Variants in KIF27 observed in about 807,000 individuals in gnomAD.
The protein encoded by KIF27 is kinesin family member 27, also known as kinesin-like protein KIF27.
KIF27 carries 84 observed loss-of-function variants against 141.8 expected under a neutral mutation model. The ratio of observed to expected loss-of-function variants is 0.59; its 90% CI spans 0.50 to 0.71. The LOEUF (loss-of-function observed/expected upper bound fraction) is 0.71. Ranked by LOEUF, KIF27 falls within the 30% of genes least tolerant of loss-of-function variation. KIF27 has a pLI of 0.00. For missense variants in KIF27, 1,306 were observed against 1,628.4 expected, an observed-to-expected ratio of 0.80 and a Z score of 3.41; for synonymous variants, 471 against 569.5, an observed-to-expected ratio of 0.83 and a Z score of 2.46.
At chr9:83,918,325 G>GT (rs887354121) in intron 1 of KIF27, among the ~76,000 whole-genome samples, 5 of 143,664 alleles carry the variant, frequency 3.5e-5, no homozygotes, top group East Asian at 2.3e-4. Flanking sequence ...GAGAGAAATG[G>GT]GGGGGGGGCA....
intron 15 of KIF27, among the ~76,000 whole-genome samples, chr9:83,851,636 GT>G (rs2131705357): frequency 6.6e-6 from 1 of 152,308 alleles, no homozygotes; most frequent in South Asian, 2.1e-4. Flanking sequence ...GATTATAGGC[GT>G]GAGCCACCAC....
At chr9:83,851,417 T>C (rs868428495) in intron 15 of KIF27, among the ~76,000 whole-genome samples, 21 of 152,056 alleles carry the variant, frequency 1.4e-4, no homozygotes, top group African/African-American at 4.6e-4. Context: ...AGTGGTGCAA[T>C]CATAGTTCAC....
chr9:83,913,920 T>C (rs1043181375), intron 2 of KIF27, among the ~76,000 whole-genome samples: 1 of 152,120 alleles, frequency 6.6e-6, no homozygotes, highest in African/African-American at 2.4e-5. Context: ...CAATCCTTCT[T>C]ATAATAAATA....
chr9:83,848,978 A>G (rs1212243825), intron 16 of KIF27: 9 of 151,926 alleles, frequency 5.9e-5, no homozygotes, highest in African/African-American at 2.2e-4. Context: ...ACGCTTGGCT[A>G]GTTTTCTGTA....
intron 13 of KIF27, among the ~76,000 whole-genome samples, chr9:83,864,140 A>AT (rs1332772480): frequency 6.6e-6 from 1 of 151,998 alleles, no homozygotes; most frequent in Non-Finnish European, 1.5e-5. Context: ...TGATTCACTG[A>AT]TTTTTTGAAG....
At chr9:83,841,725 TATTTC>T (rs1176504564) in intron 17 of KIF27, among the ~76,000 whole-genome samples, 1 of 152,220 alleles carries the variant, frequency 6.6e-6, no homozygotes, top group African/African-American at 2.4e-5. Context: ...TTTGTCATGT[TATTTC>T]ATTTAGGAAT....
intron 16 of KIF27, among the ~76,000 whole-genome samples, chr9:83,846,350 CCA>C (rs1345838492): frequency 1.3e-5 from 2 of 152,188 alleles, no homozygotes. Flanking sequence ...AGTGCCTTAT[CCA>C]CTGTCATGGT....
At chr9:83,842,194 G>A in intron 17 of KIF27, 43 bp downstream of exon 17, 1 of 1,470,938 alleles carries the variant, frequency 6.8e-7, no homozygotes, top group African/African-American at 1.5e-5. Context: ...TTCACCAAAT[G>A]CTAGAGAAAC....
In KIF27 at chr9:83,859,245, C is replaced by G. The variant is rs776548762; in HGVS notation, c.3061G>C (p.Glu1021Gln). The change falls in exon 14 of 18, where the codon GAA becomes CAA. Residue 1021 changes from glutamate to glutamine, a missense_variant. Glu to Gln is a conservative substitution (Grantham distance 29). Around this residue, in one of 4 missense-constraint regions of KIF27, gnomAD observed 596 missense variants for 751.6 expected, o/e 0.79. Transcript: ENST00000297814. ...TGATCCTTTTCTTTCTGGAGGACTT[C>G]AACTTGTTCTGAAATCTTTGTTTTC... is the stretch of plus-strand genomic sequence containing the variant. ...EEKTKISEQV[E>Q]VLQKEKDQLQ... The G allele has an allele frequency of 1.9e-6, 3 of 1,613,984 alleles. No homozygotes were observed. The East Asian group carries it at 6.7e-5, about 36-fold the overall frequency.
chr9:83,918,048 A>G (rs763304140), intron 1 of KIF27, among the ~76,000 whole-genome samples: 8 of 152,208 alleles, frequency 5.3e-5, no homozygotes, highest in Non-Finnish European at 1.0e-4. Flanking sequence ...AAGATGAAGT[A>G]TAGATTAAAA....
intron 12 of KIF27, among the ~76,000 whole-genome samples, chr9:83,870,079 G>C (rs1950644246): frequency 6.6e-6 from 1 of 152,078 alleles, no homozygotes; most frequent in African/African-American, 2.4e-5. Flanking sequence ...TTTTGCATTT[G>C]GGCGGCATCT....
Position 83,903,357 on chromosome 9 carries a change from C to G in KIF27, c.1161G>C (p.Gly387=), listed in dbSNP as rs748622441. ...AATGAATCCTATTTGTATCAGGACT[C>G]CCTTCTCGATTGATCTGGGTAGTTT... is the stretch of plus-strand genomic sequence containing the variant. The part of the protein sequence containing the change: ...VSQTTQINRE[G]SPDTNRIHSL... The change falls in exon 4 of 18, where the codon GGG becomes GGC. Residue 387 remains glycine (G), a synonymous_variant. Coordinates refer to ENST00000297814, the MANE Select transcript of KIF27 (RefSeq NM_017576.4). 1 of 1,614,018 alleles carries G rather than the reference C, an allele frequency of 6.2e-7. No individual in the cohort carries two copies. Among genetic ancestry groups the G allele is most frequent in the Admixed American group, 1.7e-5 (1 of 60,004 alleles).
Position 83,915,609 on chromosome 9 carries a change from T to C in KIF27, c.-18A>G, listed in dbSNP as rs1266953677. 6.4e-7 allele frequency: 1 copy of C among 1,564,940 alleles called. No homozygotes were observed. The highest frequency in any genetic ancestry group is 2.2e-5 in the East Asian group (1 of 44,556). On this transcript the variant is annotated 5_prime_UTR_variant, in exon 2 of 18. Coordinates refer to ENST00000297814, the MANE Select transcript of KIF27 (RefSeq NM_017576.4). ...TCTTCCATGGCAACTTAGATTTTAC[T>C]AAATAGATTTTCTATTTAATGTTCA...
chr9:83,858,216 G>A (rs931108778), intron 14 of KIF27: 3 of 151,978 alleles, frequency 2.0e-5, no homozygotes, highest in Non-Finnish European at 4.4e-5. Context: ...CTGCCACTTA[G>A]CCCCCAATCA....
intron 14 of KIF27, among the ~76,000 whole-genome samples, chr9:83,858,023 G>A (rs986985217): frequency 2.1e-5 from 3 of 141,202 alleles, no homozygotes; most frequent in East Asian, 2.2e-4. Flanking sequence ...AATAGTCACC[G>A]GCAGGCAGAA....
At chr9:83,917,822 T>G (rs1041638466) in intron 1 of KIF27, among the ~76,000 whole-genome samples, 2 of 152,096 alleles carry the variant, frequency 1.3e-5, no homozygotes, top group Admixed American at 1.3e-4. Context: ...GACCTAAACA[T>G]AAGAAGTAAA....
chr9:83,880,075 A>G, intron 11 of KIF27: 1 of 594,260 alleles, frequency 1.7e-6, no homozygotes, highest in Non-Finnish European at 2.9e-6. Flanking sequence ...TTATCATTGT[A>G]CCTTCTTTTG....
intron 17 of KIF27, among the ~76,000 whole-genome samples, chr9:83,839,800 C>T (rs761733654): frequency 8.5e-5 from 13 of 152,132 alleles, no homozygotes; most frequent in East Asian, 1.9e-4. Context: ...AAAAATTAGC[C>T]GGGCCTGATG....
At chr9:83,892,982 C>T (rs1298777133) in intron 5 of KIF27, among the ~76,000 whole-genome samples, 1 of 152,198 alleles carries the variant, frequency 6.6e-6, no homozygotes, top group Non-Finnish European at 1.5e-5. Context: ...CACCTGTAAT[C>T]CCAGCACGCT....
Sources: gnomAD v4.1 joint callset for allele counts (sites outside exome capture counted in the v4.1 genomes callset) on GRCh38, gnomAD v4.1.1 for gene constraint, gnomAD v4.1.1 regional missense constraint, MANE v1.5 for transcripts, NCBI Gene and HGNC (gene_info 2026-07-23, HGNC 2026-07-21) for gene names.